Variants in SERGEF observed in about 807,000 individuals in gnomAD.
SERGEF encodes secretion regulating guanine nucleotide exchange factor.
SERGEF carries 51 observed loss-of-function variants against 50.0 expected under a neutral mutation model. The observed-to-expected ratio is 1.02, with a 90% CI of 0.81 to 1.29. The LOEUF (loss-of-function observed/expected upper bound fraction) is 1.29. Among genes scored for constraint, SERGEF ranks in the 50% most tolerant of loss-of-function variants. The pLI is 0.00. For synonymous variants in SERGEF, 205 were observed against 212.4 expected (o/e 0.97, Z 0.30); for missense variants, 521 against 557.0 (o/e 0.94, Z 0.65).
intron 10 of SERGEF, among the ~76,000 whole-genome samples, chr11:17,825,916 T>A (rs901620118): frequency 2.0e-5 from 3 of 152,186 alleles, no homozygotes; most frequent in African/African-American, 7.2e-5. Flanking sequence ...CAGCATCTTA[T>A]AAGAGAAAGA....
chr11:17,901,204 T>C (rs1851744068), intron 9 of SERGEF, among the ~76,000 whole-genome samples: 1 of 152,146 alleles, frequency 6.6e-6, no homozygotes. Context: ...GTTGCCCCTC[T>C]TTTCCATCTC....
intron 9 of SERGEF, among the ~76,000 whole-genome samples, chr11:17,939,029 A>C (rs1235613922): frequency 6.6e-6 from 1 of 152,246 alleles, no homozygotes; most frequent in African/African-American, 2.4e-5. Flanking sequence ...TCTGAATGAA[A>C]GAATGTTTAT....
chr11:17,909,820 G>A (rs901876393), intron 9 of SERGEF, among the ~76,000 whole-genome samples: 1 of 150,130 alleles, frequency 6.7e-6, no homozygotes, highest in Admixed American at 6.6e-5. Context: ...AGCTCCTGGG[G>A]GGAAAGTTTC....
At chr11:17,869,716 T>A (rs1851102769) in intron 10 of SERGEF, among the ~76,000 whole-genome samples, 1 of 152,034 alleles carries the variant, frequency 6.6e-6, no homozygotes, top group Non-Finnish European at 1.5e-5. Flanking sequence ...AATATCAACA[T>A]AAAATTTTTT....
At position 17,788,275 on chromosome 11, in the gene SERGEF, G is replaced by A; in HGVS notation, c.1187C>T (p.Ser396Phe). The change falls in exon 11 of 11, where the codon TCC becomes TTC. Residue 396 changes from serine (S) to phenylalanine (F), a missense_variant. Transcript: ENST00000265965. Reference protein sequence around the residue: ...GLLVGCGAGHSLALCQLPAHP... With the variant: ...GLLVGCGAGHFLALCQLPAHP... ...AGCTGGCAGCTGGCAGAGGGCCAAG[G>A]AGTGGCCAGCCCCACAGCCCACAAG... is the stretch of plus-strand genomic sequence containing the variant. 6.2e-7 allele frequency: 1 copy of A among 1,613,890 alleles called. No individual in the cohort carries two copies. The highest frequency in any genetic ancestry group is 8.5e-7 in the Non-Finnish European group (1 of 1,179,956).
chr11:17,926,396 G>A (rs537153810), intron 9 of SERGEF, among the ~76,000 whole-genome samples: 152 of 152,260 alleles, frequency 1.0e-3, no homozygotes, highest in African/African-American at 3.2e-3. Flanking sequence ...CCAGAGGCAG[G>A]GAGAGACAGG....
chr11:18,000,975 T>C (rs1420548743), intron 4 of SERGEF, among the ~76,000 whole-genome samples: 1 of 152,196 alleles, frequency 6.6e-6, no homozygotes, highest in Non-Finnish European at 1.5e-5. Context: ...AGACTTTATT[T>C]ACCAAGGGCT....
chr11:17,969,220 A>G (rs565013590), intron 8 of SERGEF, among the ~76,000 whole-genome samples: 2 of 152,296 alleles, frequency 1.3e-5, no homozygotes, highest in South Asian at 4.1e-4. Context: ...CCAGCAGCAC[A>G]TCACACTGCT....
chr11:17,940,339 G>T (rs1439696778), intron 9 of SERGEF, among the ~76,000 whole-genome samples: 1 of 152,116 alleles, frequency 6.6e-6, no homozygotes, highest in Admixed American at 6.5e-5. Context: ...AGATTATCTG[G>T]GTTGAAGGCC....
intron 10 of SERGEF, among the ~76,000 whole-genome samples, chr11:17,808,311 G>A (rs1233758484): frequency 4.6e-5 from 7 of 152,330 alleles, no homozygotes; most frequent in Non-Finnish European, 1.0e-4. Context: ...AGGAAGCGTG[G>A]TGCCAGCATC....
At chr11:18,011,006 G>A (rs1246626167) in intron 1 of SERGEF, among the ~76,000 whole-genome samples, 1 of 152,122 alleles carries the variant, frequency 6.6e-6, no homozygotes, top group Non-Finnish European at 1.5e-5. Flanking sequence ...ACCAATTTTT[G>A]TAACACTGTG....
intron 8 of SERGEF, among the ~76,000 whole-genome samples, chr11:17,980,372 C>A: frequency 6.6e-6 from 1 of 152,130 alleles, no homozygotes. Flanking sequence ...GAATTGAGGC[C>A]CGTGCAAGTG....
At chr11:17,967,575 C>T (rs143032700) in intron 8 of SERGEF, among the ~76,000 whole-genome samples, 1 of 152,218 alleles carries the variant, frequency 6.6e-6, no homozygotes, top group South Asian at 2.1e-4. Flanking sequence ...AGACTGCACC[C>T]TGAGGAACAC....
At chr11:17,985,509 G>A (rs1180334431) in intron 8 of SERGEF, among the ~76,000 whole-genome samples, 1 of 152,158 alleles carries the variant, frequency 6.6e-6, no homozygotes, top group African/African-American at 2.4e-5. Context: ...CCTGGATAAA[G>A]TCACCCAGGA....
At chr11:17,927,663 T>A (rs571360478) in intron 9 of SERGEF, among the ~76,000 whole-genome samples, 1 of 152,368 alleles carries the variant, frequency 6.6e-6, no homozygotes, top group African/African-American at 2.4e-5. Context: ...GCCCCGTCTA[T>A]GCCTGACATT....
chr11:17,795,172 T>A (rs1274562910), intron 10 of SERGEF, among the ~76,000 whole-genome samples: 1 of 152,152 alleles, frequency 6.6e-6, no homozygotes, highest in East Asian at 1.9e-4. Flanking sequence ...GGGCTCTGGA[T>A]TCTGGTACAT....
At chr11:17,830,382 C>T (rs1379388620) in intron 10 of SERGEF, among the ~76,000 whole-genome samples, 1 of 152,144 alleles carries the variant, frequency 6.6e-6, no homozygotes, top group African/African-American at 2.4e-5. Context: ...ACATTTTGTG[C>T]TGCTATAACA....
intron 10 of SERGEF, among the ~76,000 whole-genome samples, chr11:17,841,396 C>T (rs1273879715): frequency 6.6e-6 from 1 of 152,208 alleles, no homozygotes; most frequent in Non-Finnish European, 1.5e-5. Flanking sequence ...TTATGCTTCA[C>T]ATCTTTCTTT....
intron 10 of SERGEF, among the ~76,000 whole-genome samples, chr11:17,874,532 T>A (rs1385642064): frequency 6.6e-6 from 1 of 152,106 alleles, no homozygotes; most frequent in Non-Finnish European, 1.5e-5. Flanking sequence ...ACTAAGGAAG[T>A]AACTAAACCA....
Sources: allele counts gnomAD v4.1 joint callset (sites outside exome capture counted in the v4.1 genomes callset), GRCh38; gene constraint gnomAD v4.1.1; transcripts MANE v1.5; gene names NCBI Gene and HGNC (gene_info 2026-07-23, HGNC 2026-07-21).